KLHL5: variants seen among roughly 807,000 people sequenced by gnomAD.
The protein encoded by KLHL5 is kelch like family member 5, also known as kelch-like protein 5.
A neutral mutation model predicts 77.7 loss-of-function variants in KLHL5; 48 were observed. That is an observed-to-expected ratio of 0.62 (90% confidence interval 0.49 to 0.79). The LOEUF (loss-of-function observed/expected upper bound fraction) is 0.79, where lower values mean the gene tolerates loss of function less well. KLHL5 is among the 30% of genes least tolerant of loss of function. The pLI is 0.00. For missense variants in KLHL5, 723 were observed against 859.7 expected (o/e 0.84, Z 1.99); for synonymous variants, 260 against 297.0 (o/e 0.88, Z 1.28).
At chr4:39,092,661 T>C (rs1009680739) in intron 5 of KLHL5, among the ~76,000 whole-genome samples, 1 of 151,992 alleles carries the variant, frequency 6.6e-6, no homozygotes, top group Non-Finnish European at 1.5e-5. Context: ...AGGTCTTAAT[T>C]TGGCTTTTTT....
chr4:39,078,509 A>G (rs7692786), intron 2 of KLHL5, among the ~76,000 whole-genome samples: 109,285 of 152,036 alleles, frequency 0.72, 39,392 homozygotes, highest in East Asian at 0.83. Flanking sequence ...AGCCTGGCCA[A>G]CATGGCAAAG....
intron 6 of KLHL5, among the ~76,000 whole-genome samples, chr4:39,102,298 G>A (rs1302477590): frequency 6.6e-6 from 1 of 150,618 alleles, no homozygotes; most frequent in Non-Finnish European, 1.5e-5. Flanking sequence ...GGTTTTTTTA[G>A]AGGGTTTTGT....
At chr4:39,095,681 G>A (rs1402137375) in intron 5 of KLHL5, among the ~76,000 whole-genome samples, 1 of 151,286 alleles carries the variant, frequency 6.6e-6, no homozygotes, top group Non-Finnish European at 1.5e-5. Flanking sequence ...ATAAGGAAAT[G>A]GCTAAAAAAT....
intron 8 of KLHL5, among the ~76,000 whole-genome samples, chr4:39,110,222 G>A (rs1004706674): frequency 2.0e-5 from 3 of 152,200 alleles, no homozygotes; most frequent in African/African-American, 7.2e-5. Flanking sequence ...AAGAGTAAGT[G>A]CTGAAGAACA....
chr4:39,118,353 C>T (rs6857761), intron 10 of KLHL5, among the ~76,000 whole-genome samples: 79,446 of 150,474 alleles, frequency 0.53, 21,427 homozygotes, highest in Non-Finnish European at 0.59. Context: ...TTTTTTTGCT[C>T]CACAATAGAG....
At chr4:39,130,734 C>A (rs1456066629), downstream of KLHL5, among the ~76,000 whole-genome samples, 1 of 152,190 alleles carries the variant, frequency 6.6e-6, no homozygotes, top group Non-Finnish European at 1.5e-5. Context: ...GACTCACCAA[C>A]TTCTTCAAAT....
intron 2 of KLHL5, 114 bp downstream of exon 2, chr4:39,076,261 C>A: frequency 3.5e-6 from 3 of 859,888 alleles, no homozygotes; most frequent in African/African-American, 1.8e-5. Flanking sequence ...GGGTGTAGTT[C>A]ATGGAATTTC....
At chr4:39,060,215 A>G (rs778440713), upstream of KLHL5, among the ~76,000 whole-genome samples, 1 of 152,198 alleles carries the variant, frequency 6.6e-6, no homozygotes, top group Non-Finnish European at 1.5e-5. Flanking sequence ...AACAATAGCA[A>G]ATCTCTTATA....
intron 1 of KLHL5, among the ~76,000 whole-genome samples, chr4:39,073,672 T>C (rs1718707219): frequency 6.6e-6 from 1 of 151,976 alleles, no homozygotes; most frequent in African/African-American, 2.4e-5. Flanking sequence ...TGAGATGGAG[T>C]CTCACTCTGT....
At chr4:39,070,187 T>C (rs530322389) in intron 1 of KLHL5, among the ~76,000 whole-genome samples, 1 of 152,176 alleles carries the variant, frequency 6.6e-6, no homozygotes, top group African/African-American at 2.4e-5. Flanking sequence ...AATACTCTTA[T>C]TGGCCAGGCC....
chr4:39,139,299 A>G, the KLHL5 span, among the ~76,000 whole-genome samples: 2 of 151,238 alleles, frequency 1.3e-5, no homozygotes, highest in Non-Finnish European at 3.0e-5. Context: ...AAAAAAAAAA[A>G]GAAAAGCCCA....
At chr4:39,069,168 A>G (rs1718172902) in intron 1 of KLHL5, among the ~76,000 whole-genome samples, 2 of 152,180 alleles carry the variant, frequency 1.3e-5, no homozygotes, top group South Asian at 4.1e-4. Context: ...AAGAGAAAAC[A>G]TTAAGCAAGC....
At chr4:39,057,161 T>A (rs969087729) in intron 1 of KLHL5, among the ~76,000 whole-genome samples, 2 of 152,198 alleles carry the variant, frequency 1.3e-5, no homozygotes, top group Non-Finnish European at 2.9e-5. Flanking sequence ...TTTTAAAATC[T>A]TTCAAGTCAA....
chr4:39,069,927 A>C lies in KLHL5; in HGVS notation c.384-6038A>C, dbSNP rs187161033. Among the ~76,000 whole-genome samples the C allele has an allele frequency of 2.0e-4, 30 of 152,214 alleles. 1 individual carries two copies. In the East Asian group the frequency reaches 5.6e-3, roughly 28 times the overall value. ...AGCTGGATCCAAATGATCAAATAAC[A>C]CCAATAATCTGTTTTTCTCCATTTC... On this transcript the variant is annotated intron_variant, in intron 1 of 10. Coordinates refer to ENST00000504108, the MANE Select transcript of KLHL5 (RefSeq NM_015990.5).
chr4:39,132,335 G>A, the KLHL5 span, among the ~76,000 whole-genome samples: 6 of 152,146 alleles, frequency 3.9e-5, no homozygotes, highest in East Asian at 1.9e-4. Context: ...TAAACTGGGC[G>A]TGTTGGCTCA....
At chr4:39,086,395 G>A (rs1016103925) in intron 4 of KLHL5, 120 bp from the exon 5 acceptor site, 2 of 751,770 alleles carry the variant, frequency 2.7e-6, no homozygotes, top group Admixed American at 2.3e-5. Flanking sequence ...GTATTACATT[G>A]TAAGGTCTAA....
chr4:39,101,931 C>CATATATACACACATATAT (rs1472596336), intron 6 of KLHL5, among the ~76,000 whole-genome samples: 77 of 133,204 alleles, frequency 5.8e-4, no homozygotes, highest in African/African-American at 2.0e-3. Flanking sequence ...TACATATATA[C>CATATATACACACATATAT]ACACATATAT....
intron 1 of KLHL5, among the ~76,000 whole-genome samples, chr4:39,071,095 A>G (rs1187651591): frequency 6.6e-6 from 1 of 152,106 alleles, no homozygotes; most frequent in Non-Finnish European, 1.5e-5. Flanking sequence ...AAATTGTACA[A>G]TGGTGTCTAT....
At chr4:39,100,338 T>C (rs1473886612) in intron 6 of KLHL5, among the ~76,000 whole-genome samples, 1 of 152,220 alleles carries the variant, frequency 6.6e-6, no homozygotes, top group Non-Finnish European at 1.5e-5. Context: ...CATCAGGTCT[T>C]TTTTCAAATG....
Sources: gnomAD v4.1 joint callset for allele counts (sites outside exome capture counted in the v4.1 genomes callset) on GRCh38, gnomAD v4.1.1 for gene constraint, MANE v1.5 for transcripts, NCBI Gene and HGNC (gene_info 2026-07-23, HGNC 2026-07-21) for gene names.